FCHSD2: variants seen among roughly 807,000 people sequenced by gnomAD.
FCHSD2 encodes the protein FCH and double SH3 domains 2.
In FCHSD2, 38 loss-of-function variants were observed where a neutral mutation model predicts 108.1. The ratio of observed to expected loss-of-function variants is 0.35; its 90% confidence interval spans 0.27 to 0.46. The LOEUF is 0.46. Ranked by LOEUF, FCHSD2 falls within the 20% of genes least tolerant of loss-of-function variation. The probability of loss-of-function intolerance (pLI) is 1.00; values close to 1 mark genes in which losing one functional copy is unlikely to be tolerated. For synonymous variants in FCHSD2, 279 were observed against 314.7 expected (o/e 0.89, Z 1.20); for missense variants, 751 against 897.8 (o/e 0.84, Z 2.09).
chr11:73,041,230 T>C (rs1038024454), intron 3 of FCHSD2, among the ~76,000 whole-genome samples: 3 of 152,224 alleles, frequency 2.0e-5, no homozygotes, highest in African/African-American at 7.2e-5. Context: ...ATTTCCTTTC[T>C]TTGGATAAAT....
chr11:73,107,983 G>C (rs958918516), intron 2 of FCHSD2, among the ~76,000 whole-genome samples: 1 of 152,166 alleles, frequency 6.6e-6, no homozygotes, highest in Non-Finnish European at 1.5e-5. Context: ...TTTTCTGAGT[G>C]AACTCCAAAT....
rs1243487624 is a variant in FCHSD2, at chr11:72,957,189, C to A, written c.705+26899G>T. ...CCAGTGCTATCCCTCCCCCCTCCCC[C>A]CACCCCACCACAGTCCCCAGAGTGT... On this transcript the variant is annotated intron_variant, in intron 8 of 19. Coordinates refer to ENST00000409418, the MANE Select transcript of FCHSD2 (RefSeq NM_014824.3). Among the ~76,000 whole-genome samples, 10 of 114,392 alleles carry A rather than the reference C, an allele frequency of 8.7e-5. No individual in the cohort carries two copies. In the Admixed American group the frequency reaches 9.9e-4, roughly 11 times the overall value. 75.0% of individuals were successfully genotyped at this position (114,392 alleles called of 152,430 possible).
intron 2 of FCHSD2, among the ~76,000 whole-genome samples, chr11:73,103,915 C>T (rs1860280472): frequency 6.6e-6 from 1 of 152,194 alleles, no homozygotes; most frequent in Admixed American, 6.5e-5. Flanking sequence ...TTTTTAAAAG[C>T]ACTCCTGTAT....
chr11:73,103,777 G>C (rs1367997085), intron 2 of FCHSD2, among the ~76,000 whole-genome samples: 1 of 152,140 alleles, frequency 6.6e-6, no homozygotes, highest in African/African-American at 2.4e-5. Context: ...TTAAATTTAT[G>C]TAAATTTTTC....
At chr11:72,931,219 T>C (rs1856184290) in intron 8 of FCHSD2, among the ~76,000 whole-genome samples, 1 of 149,198 alleles carries the variant, frequency 6.7e-6, no homozygotes, top group African/African-American at 2.5e-5. Flanking sequence ...CTCAGCCTCC[T>C]GAATAGCTGG....
intron 10 of FCHSD2, among the ~76,000 whole-genome samples, chr11:72,896,969 G>C (rs1303621591): frequency 6.6e-6 from 1 of 151,834 alleles, no homozygotes; most frequent in Non-Finnish European, 1.5e-5. Context: ...TGGGACTACA[G>C]GTGCCCGCCA....
intron 3 of FCHSD2, among the ~76,000 whole-genome samples, chr11:73,049,714 AAG>A (rs970219352): frequency 2.6e-5 from 4 of 151,606 alleles, no homozygotes; most frequent in African/African-American, 9.7e-5. Context: ...AAAAGGGGGA[AAG>A]AGAGACACCT....
chr11:73,004,677 A>G (rs1196518924), intron 4 of FCHSD2, among the ~76,000 whole-genome samples: 1 of 152,156 alleles, frequency 6.6e-6, no homozygotes, highest in Non-Finnish European at 1.5e-5. Context: ...GTTAAATCTA[A>G]AACTGTTTAC....
At chr11:73,042,335 A>G (rs1249542347) in intron 3 of FCHSD2, among the ~76,000 whole-genome samples, 1 of 152,182 alleles carries the variant, frequency 6.6e-6, no homozygotes, top group East Asian at 1.9e-4. Context: ...AATATAAGTT[A>G]TTGGCACCTT....
chr11:72,900,696 T>C (rs528826706), intron 10 of FCHSD2, among the ~76,000 whole-genome samples: 96 of 151,582 alleles, frequency 6.3e-4, no homozygotes, highest in Middle Eastern at 3.4e-3. Flanking sequence ...AGCACTACTA[T>C]AAAGGGCAAA....
At chr11:72,971,176 C>G (rs1793409237) in intron 8 of FCHSD2, among the ~76,000 whole-genome samples, 1 of 151,416 alleles carries the variant, frequency 6.6e-6, no homozygotes, top group South Asian at 2.1e-4. Context: ...TGGAACAGGT[C>G]AAAATATAAA....
At chr11:73,093,144 T>C (rs1859995968) in intron 2 of FCHSD2, among the ~76,000 whole-genome samples, 2 of 152,210 alleles carry the variant, frequency 1.3e-5, no homozygotes, top group Non-Finnish European at 2.9e-5. Context: ...CAAGACTCTG[T>C]GCATACTGTC....
intron 8 of FCHSD2, chr11:72,940,555 C>A (rs540619866): frequency 7.3e-6 from 8 of 1,090,194 alleles, no homozygotes; most frequent in Admixed American, 5.1e-5. Flanking sequence ...TCATGTCATG[C>A]GCTTTCTTCT....
At chr11:73,005,864 T>C (rs1192445685) in intron 4 of FCHSD2, among the ~76,000 whole-genome samples, 1 of 151,590 alleles carries the variant, frequency 6.6e-6, no homozygotes, top group Non-Finnish European at 1.5e-5. Flanking sequence ...TCCGGTCTCA[T>C]GGCTTTAAAG....
At chr11:73,002,710 C>T (rs890201367) in intron 4 of FCHSD2, among the ~76,000 whole-genome samples, 3 of 152,182 alleles carry the variant, frequency 2.0e-5, no homozygotes, top group African/African-American at 7.2e-5. Flanking sequence ...TTTATCCCTT[C>T]TCCTAGTTAA....
chr11:73,080,023 C>T (rs1004779231), intron 3 of FCHSD2, among the ~76,000 whole-genome samples: 3 of 152,048 alleles, frequency 2.0e-5, no homozygotes, highest in South Asian at 2.1e-4. Flanking sequence ...TTCAGCCAGG[C>T]GCGGTAGCTC....
At chr11:73,031,682 A>G (rs1359724509) in intron 3 of FCHSD2, among the ~76,000 whole-genome samples, 1 of 152,206 alleles carries the variant, frequency 6.6e-6, no homozygotes, top group Admixed American at 6.5e-5. Flanking sequence ...GCTTATACCC[A>G]GGAATCCAAC....
chr11:73,106,406 C>CAAAAAAA (rs781338343), intron 2 of FCHSD2, among the ~76,000 whole-genome samples: 1 of 65,034 alleles, frequency 1.5e-5, no homozygotes. Context: ...ACTCTGTCTC[C>CAAAAAAA]AAAAAAAAAA....
At chr11:73,107,535 T>C (rs1860375357) in intron 2 of FCHSD2, among the ~76,000 whole-genome samples, 1 of 152,196 alleles carries the variant, frequency 6.6e-6, no homozygotes, top group African/African-American at 2.4e-5. Flanking sequence ...TATCAAATAC[T>C]ACTTCTTATT....
Sources: gnomAD v4.1 joint callset for allele counts (sites outside exome capture counted in the v4.1 genomes callset) on GRCh38, gnomAD v4.1.1 for gene constraint, MANE v1.5 for transcripts, NCBI Gene and HGNC (gene_info 2026-07-23, HGNC 2026-07-21) for gene names.